TRAF3IP1: variants seen among roughly 807,000 people sequenced by gnomAD.
The protein encoded by TRAF3IP1 is TRAF3-interacting protein 1.
A neutral mutation model predicts 89.9 loss-of-function variants in TRAF3IP1; 53 were observed. The ratio of observed to expected loss-of-function variants is 0.59; its 90% CI spans 0.47 to 0.74. The LOEUF is 0.74. Among genes scored for constraint, TRAF3IP1 ranks in the 30% least tolerant of loss-of-function variants. The probability of loss-of-function intolerance (pLI) is 0.00; values close to 1 mark genes in which losing one functional copy is unlikely to be tolerated. For missense variants in TRAF3IP1, 806 were observed against 866.1 expected, an observed-to-expected ratio of 0.93 and a Z score of 0.87; for synonymous variants, 311 against 322.1, an observed-to-expected ratio of 0.97 and a Z score of 0.37.
At chr2:238,337,016 A>G (rs1189920773) in intron 7 of TRAF3IP1, among the ~76,000 whole-genome samples, 51 of 151,922 alleles carry the variant, frequency 3.4e-4, no homozygotes, top group Admixed American at 3.3e-3. Context: ...GCTCTAGAAC[A>G]CTGCCTTCTG....
intron 8 of TRAF3IP1, among the ~76,000 whole-genome samples, chr2:238,344,174 C>G (rs67817209): frequency 0.12 from 18,000 of 152,074 alleles, 1,833 homozygotes; most frequent in African/African-American, 0.27. Flanking sequence ...TCTGGCTCTA[C>G]TGGGGAGGTG....
chr2:238,344,617 C>T lies in TRAF3IP1; in HGVS notation c.1261+19C>T, dbSNP rs199722547. The stretch of plus-strand genomic sequence containing the variant: ...CAGAAAGGTAAGAATGGTCCAGTTT[C>T]GCCCTTTCCTGGCGAGAGCAGAGTG... On this transcript the variant is annotated intron_variant, in intron 9 of 16. Transcript: ENST00000373327. 43 of 1,608,008 alleles carry T rather than the reference C, an allele frequency of 2.7e-5. No individual in the cohort carries two copies. The highest frequency in any genetic ancestry group is 1.0e-4 in the Admixed American group (6 of 60,000).
intron 14 of TRAF3IP1, among the ~76,000 whole-genome samples, chr2:238,354,291 C>T (rs930638491): frequency 6.6e-6 from 1 of 152,200 alleles, no homozygotes; most frequent in African/African-American, 2.4e-5. Flanking sequence ...CCATAACTGC[C>T]TCATTTCTCC....
At chr2:238,324,465 T>C (rs1205628789) in intron 1 of TRAF3IP1, among the ~76,000 whole-genome samples, 1 of 152,136 alleles carries the variant, frequency 6.6e-6, no homozygotes, top group Non-Finnish European at 1.5e-5. Context: ...TTCAGCTCAG[T>C]TCATGTCCCT....
Position 238,335,536 on chromosome 2 carries a change from G to A in TRAF3IP1, c.1063+1501G>A, listed in dbSNP as rs1046268227. Among the ~76,000 whole-genome samples, 11 of 151,746 alleles carry A rather than the reference G, an allele frequency of 7.2e-5. 1 individual carries two copies. Among genetic ancestry groups the A allele is most frequent in the South Asian group, 6.3e-4 (3 of 4,794 alleles). Reference sequence around the variant, plus strand: ...AGCCATCTTATTTGCTTATTCTTCCGGATGAATTTTAAAAACTCTTCATGA... The same window carrying A: ...AGCCATCTTATTTGCTTATTCTTCCAGATGAATTTTAAAAACTCTTCATGA... On this transcript the variant is annotated intron_variant, in intron 7 of 16. Transcript: ENST00000373327.
intron 6 of TRAF3IP1, among the ~76,000 whole-genome samples, 167 bp downstream of exon 6, chr2:238,333,062 T>C (rs1698207418): frequency 6.6e-6 from 1 of 152,208 alleles, no homozygotes; most frequent in South Asian, 2.1e-4. Flanking sequence ...GTTAAATGCT[T>C]TACCTCCTGG....
intron 15 of TRAF3IP1, among the ~76,000 whole-genome samples, chr2:238,376,316 A>G (rs1195277486): frequency 6.6e-6 from 1 of 152,200 alleles, no homozygotes; most frequent in Non-Finnish European, 1.5e-5. Flanking sequence ...GGCTATAGAG[A>G]AATCCAGGTG....
At chr2:238,347,303 A>G (rs935670657) in intron 9 of TRAF3IP1, 152 bp from the exon 10 acceptor site, 1 of 750,078 alleles carries the variant, frequency 1.3e-6, no homozygotes, top group Admixed American at 2.4e-5. Flanking sequence ...CAATAGGGAC[A>G]TTAGAAAAGC....
intron 15 of TRAF3IP1, among the ~76,000 whole-genome samples, chr2:238,389,146 G>T (rs944699494): frequency 7.2e-5 from 11 of 152,194 alleles, no homozygotes; most frequent in African/African-American, 2.7e-4. Flanking sequence ...GGGCAGGGCA[G>T]CGGTCAGAGG....
intron 7 of TRAF3IP1, among the ~76,000 whole-genome samples, chr2:238,337,804 A>G (rs1698455677): frequency 6.6e-6 from 1 of 152,172 alleles, no homozygotes; most frequent in African/African-American, 2.4e-5. Flanking sequence ...AATGGGTGGC[A>G]GTGTTAGGAA....
At chr2:238,346,162 G>A (rs1018803897) in intron 9 of TRAF3IP1, among the ~76,000 whole-genome samples, 1 of 152,112 alleles carries the variant, frequency 6.6e-6, no homozygotes, top group South Asian at 2.1e-4. Flanking sequence ...CTAAGCACAC[G>A]CTCCAGGCCG....
chr2:238,350,685 A>G (rs1309512162), intron 12 of TRAF3IP1, among the ~76,000 whole-genome samples: 2 of 152,136 alleles, frequency 1.3e-5, no homozygotes, highest in African/African-American at 2.4e-5. Flanking sequence ...ACAAAGGAGG[A>G]TGGGCTGCCT....
intron 15 of TRAF3IP1, among the ~76,000 whole-genome samples, chr2:238,368,096 A>G (rs1699963366): frequency 6.6e-6 from 1 of 152,094 alleles, no homozygotes; most frequent in South Asian, 2.1e-4. Flanking sequence ...TCTAGTTCCC[A>G]TCTATTATTC....
At chr2:238,348,069 T>A (rs748615413) in intron 10 of TRAF3IP1, among the ~76,000 whole-genome samples, 3 of 152,244 alleles carry the variant, frequency 2.0e-5, no homozygotes, top group Non-Finnish European at 4.4e-5. Context: ...CCTTTTACTT[T>A]AAATAGTGGA....
intron 14 of TRAF3IP1, among the ~76,000 whole-genome samples, chr2:238,354,408 G>C (rs553741133): frequency 3.3e-5 from 5 of 152,158 alleles, no homozygotes; most frequent in Non-Finnish European, 7.3e-5. Context: ...TTCTGACTTA[G>C]TGATGATATT....
chr2:238,330,840 C>G (rs1383290016), intron 5 of TRAF3IP1, among the ~76,000 whole-genome samples: 3 of 152,186 alleles, frequency 2.0e-5, no homozygotes, highest in Non-Finnish European at 4.4e-5. Flanking sequence ...AAATGTCACT[C>G]TTTCCCCCTC....
intron 15 of TRAF3IP1, among the ~76,000 whole-genome samples, chr2:238,377,054 C>T (rs1700345963): frequency 6.6e-6 from 1 of 152,070 alleles, no homozygotes; most frequent in African/African-American, 2.4e-5. Flanking sequence ...TGCCTTTAGC[C>T]CAAGCTCCGC....
chr2:238,355,873 A>G, intron 14 of TRAF3IP1, 131 bp from the exon 15 acceptor site: 1 of 690,652 alleles, frequency 1.4e-6, no homozygotes, highest in Non-Finnish European at 2.6e-6. Flanking sequence ...AATAAAGATT[A>G]TTTGAAACTG....
At chr2:238,384,380 G>GTATATATA (rs58730491) in intron 15 of TRAF3IP1, among the ~76,000 whole-genome samples, 1 of 143,316 alleles carries the variant, frequency 7.0e-6, no homozygotes. Flanking sequence ...ATGTATGTAT[G>GTATATATA]TATATATATA....
Sources: gnomAD v4.1 joint callset for allele counts (sites outside exome capture counted in the v4.1 genomes callset) on GRCh38, gnomAD v4.1.1 for gene constraint, MANE v1.5 for transcripts, NCBI Gene and HGNC (gene_info 2026-07-23, HGNC 2026-07-21) for gene names.